Variants in TNFRSF10A observed in about 807,000 individuals in gnomAD.
The protein encoded by TNFRSF10A is TNF receptor superfamily member 10a.
TNFRSF10A carries 44 observed loss-of-function variants against 42.8 expected under a neutral mutation model. That is an observed-to-expected ratio of 1.03 (90% CI 0.81 to 1.32). TNFRSF10A has a LOEUF of 1.32. TNFRSF10A is among the 40% of genes most tolerant of loss of function. The pLI, the probability that TNFRSF10A is intolerant of heterozygous loss-of-function variation, is 0.00. For missense variants in TNFRSF10A, 680 were observed against 602.0 expected, an observed-to-expected ratio of 1.13 and a Z score of -1.36; for synonymous variants, 259 against 234.2, an observed-to-expected ratio of 1.11 and a Z score of -0.97.
At chr8:23,205,219 G>C (rs1800987389) in intron 2 of TNFRSF10A, among the ~76,000 whole-genome samples, 1 of 152,046 alleles carries the variant, frequency 6.6e-6, no homozygotes, top group African/African-American at 2.4e-5. Flanking sequence ...TCAAATTATA[G>C]TCACGCACTG....
chr8:23,202,051 T>C (rs1800936540), intron 3 of TNFRSF10A, 132 bp from the exon 4 acceptor site: 1 of 735,238 alleles, frequency 1.4e-6, no homozygotes, highest in Non-Finnish European at 2.3e-6. Flanking sequence ...GGCCAGATTC[T>C]GCACCAGCAC....
chr8:23,201,824 G>T lies in TNFRSF10A; in HGVS notation c.613C>A (p.Arg205=). 6.2e-7 allele frequency: 1 copy of T among 1,614,118 alleles called. No individual in the cohort carries two copies. Among genetic ancestry groups the T allele is most frequent in the Non-Finnish European group, 8.5e-7 (1 of 1,180,000 alleles). Residue 205 remains arginine, a synonymous_variant, in exon 4 of 10, where the codon CGG becomes AGG. Coordinates refer to ENST00000221132, the MANE Select transcript of TNFRSF10A (RefSeq NM_003844.4). ...TTGTCTCACCCTCTGCTGCACTTCC[G>T]GCACATCTCAGCAGAATTGTCATTC... ...FRNDNSAEMC[R]KCSRGCPRGM...
chr8:23,202,811 A>G, intron 2 of TNFRSF10A, 50 bp from the exon 3 acceptor site: 3 of 1,359,960 alleles, frequency 2.2e-6, no homozygotes, highest in Non-Finnish European at 3.2e-6. Flanking sequence ...GAGTTCCCAG[A>G]GGATCGTGGC....
intron 1 of TNFRSF10A, among the ~76,000 whole-genome samples, chr8:23,214,091 C>T (rs1281412049): frequency 6.6e-6 from 1 of 152,082 alleles, no homozygotes; most frequent in Non-Finnish European, 1.5e-5. Flanking sequence ...ACCTTGGCCT[C>T]CCAAAGTGCT....
rs574581599 is a variant in TNFRSF10A, at chr8:23,192,997, A to G, written c.1088-984T>C. On this transcript the variant is annotated intron_variant, in intron 9 of 9. Transcript: ENST00000221132. Reference sequence around the variant, plus strand: ...CTTGATTGTTTCCTTGCCCCATTCTAGCTCCTACTTTCTTACACATTGTTA... The same window carrying G: ...CTTGATTGTTTCCTTGCCCCATTCTGGCTCCTACTTTCTTACACATTGTTA... Among the ~76,000 whole-genome samples, 18 of 152,180 alleles carry G rather than the reference A, an allele frequency of 1.2e-4. 1 individual carries two copies. Among genetic ancestry groups the G allele is most frequent in the Admixed American group, 4.6e-4 (7 of 15,282 alleles).
intron 4 of TNFRSF10A, among the ~76,000 whole-genome samples, chr8:23,201,050 C>A (rs746056071): frequency 6.6e-6 from 1 of 152,080 alleles, no homozygotes; most frequent in Non-Finnish European, 1.5e-5. Flanking sequence ...GGGAGGCCTG[C>A]GTTAGGAGGA....
At chr8:23,196,745 G>A (rs1800829044) in intron 9 of TNFRSF10A, among the ~76,000 whole-genome samples, 2 of 152,158 alleles carry the variant, frequency 1.3e-5, no homozygotes, top group South Asian at 4.1e-4. Flanking sequence ...TAAGTCTTTG[G>A]AATCAGTATG....
intron 7 of TNFRSF10A, 149 bp from the exon 8 acceptor site, chr8:23,199,597 G>T (rs1800878171): frequency 9.4e-7 from 1 of 1,065,664 alleles, no homozygotes; most frequent in Non-Finnish European, 1.3e-6. Flanking sequence ...CTGCTGCTGG[G>T]GCCAGGCCCT....
Position 23,224,760 on chromosome 8 carries a change from A to T in TNFRSF10A, c.302T>A (p.Leu101Gln). 1.3e-6 allele frequency: 2 copies of T among 1,565,054 alleles called. No homozygotes were observed. Among genetic ancestry groups the T allele is most frequent in the Non-Finnish European group, 1.7e-6 (2 of 1,155,062 alleles). Residue 101 changes from leucine (L) to glutamine (Q), a missense_variant, in exon 1 of 10, where the codon CTG (leucine) becomes CAG (glutamine). Transcript: ENST00000221132. ...AGGACCGCGGTGGGGACTCACCTGC[A>T]GCAGGACCCCGACGACGACAAACTT... is the stretch of plus-strand genomic sequence containing the variant. ...TFKFVVVGVL[L>Q]QVVPSSAATI...
intron 3 of TNFRSF10A, 83 bp downstream of exon 3, chr8:23,202,565 G>T: frequency 9.4e-7 from 1 of 1,067,586 alleles, no homozygotes; most frequent in Non-Finnish European, 1.5e-6. Flanking sequence ...GCTGGAACTT[G>T]GTTCCCTGAC....
intron 1 of TNFRSF10A, among the ~76,000 whole-genome samples, chr8:23,216,691 G>A (rs1045969511): frequency 2.0e-5 from 3 of 151,704 alleles, no homozygotes; most frequent in East Asian, 1.9e-4. Context: ...GCAGTGAACC[G>A]GGATCACGCC....
intron 1 of TNFRSF10A, among the ~76,000 whole-genome samples, chr8:23,220,996 A>C (rs1363997607): frequency 6.6e-6 from 1 of 152,212 alleles, no homozygotes; most frequent in East Asian, 1.9e-4. Flanking sequence ...CCCTGCAGTG[A>C]CATCTTTGTC....
At chr8:23,223,246 T>A (rs1801281918) in intron 1 of TNFRSF10A, among the ~76,000 whole-genome samples, 1 of 152,092 alleles carries the variant, frequency 6.6e-6, no homozygotes, top group Admixed American at 6.5e-5. Flanking sequence ...TTTGTATTTT[T>A]AATAGAGACG....
At chr8:23,199,757 G>T in intron 7 of TNFRSF10A, 129 bp downstream of exon 7, 1 of 1,301,454 alleles carries the variant, frequency 7.7e-7, no homozygotes, top group Non-Finnish European at 1.1e-6. Context: ...TCAATGCACA[G>T]CATCCAGGCC....
intron 9 of TNFRSF10A, 144 bp from the exon 10 acceptor site, chr8:23,192,157 C>T: frequency 7.1e-7 from 1 of 1,417,458 alleles, no homozygotes; most frequent in Non-Finnish European, 9.3e-7. Context: ...ATTGCCCACC[C>T]ACCTCCCATC....
intron 1 of TNFRSF10A, among the ~76,000 whole-genome samples, chr8:23,224,195 G>A (rs529001198): frequency 2.0e-5 from 3 of 151,570 alleles, no homozygotes; most frequent in Non-Finnish European, 2.9e-5. Flanking sequence ...AGCTACTCGG[G>A]AGGCTGAGGC....
intron 8 of TNFRSF10A, among the ~76,000 whole-genome samples, chr8:23,197,706 C>A (rs946199704): frequency 3.9e-5 from 6 of 152,204 alleles, no homozygotes; most frequent in African/African-American, 1.2e-4. Context: ...CTTCACCTCC[C>A]AGTCCATAGA....
intron 1 of TNFRSF10A, among the ~76,000 whole-genome samples, chr8:23,212,549 T>C (rs1179947811): frequency 6.6e-6 from 1 of 152,258 alleles, no homozygotes; most frequent in East Asian, 1.9e-4. Flanking sequence ...GTACCATGCA[T>C]TGGAATTTCA....
intron 9 of TNFRSF10A, among the ~76,000 whole-genome samples, chr8:23,192,542 T>C (rs1454753319): frequency 6.6e-6 from 1 of 152,158 alleles, no homozygotes; most frequent in Non-Finnish European, 1.5e-5. Flanking sequence ...AGAGCAAACC[T>C]GCCCAGATCT....
Sources: allele counts gnomAD v4.1 joint callset (sites outside exome capture counted in the v4.1 genomes callset), GRCh38; gene constraint gnomAD v4.1.1; transcripts MANE v1.5; gene names NCBI Gene and HGNC (gene_info 2026-07-23, HGNC 2026-07-21).